DOP1B: variants seen among roughly 807,000 people sequenced by gnomAD.
DOP1B encodes protein DOP1B.
DOP1B carries 174 observed loss-of-function variants against 233.5 expected under a neutral mutation model. The observed-to-expected ratio is 0.75, with a 90% CI of 0.66 to 0.85. DOP1B has a LOEUF of 0.85. Ranked by LOEUF, DOP1B falls within the 40% of genes least tolerant of loss-of-function variation. The probability of loss-of-function intolerance (pLI) is 0.00; values close to 1 mark genes in which losing one functional copy is unlikely to be tolerated. For synonymous variants in DOP1B, 1,190 were observed against 1,185.6 expected (o/e 1.00, Z -0.08); for missense variants, 2,652 against 2,846.6 (o/e 0.93, Z 1.56).
intron 2 of DOP1B, among the ~76,000 whole-genome samples, chr21:36,188,654 A>G (rs2066194764): frequency 6.6e-6 from 1 of 152,188 alleles, no homozygotes; most frequent in Non-Finnish European, 1.5e-5. Flanking sequence ...TTCCAGAAGG[A>G]AGACATGTCA....
Position 36,158,474 on chromosome 21 carries a change from C to G in DOP1B, c.-27+1531C>G, listed in dbSNP as rs2065840280. On this transcript the variant is annotated intron_variant, in intron 1 of 36. Transcript: ENST00000691173. Reference sequence around the variant, plus strand: ...TGACTTCTAATATCCTCATCTTGGGCCTAATACCCATCTCACAGGACTCGT... The same window carrying G: ...TGACTTCTAATATCCTCATCTTGGGGCTAATACCCATCTCACAGGACTCGT... Among the ~76,000 whole-genome samples, 4 of 152,144 alleles carry G rather than the reference C, an allele frequency of 2.6e-5. No homozygotes were observed. In the South Asian group the frequency reaches 8.3e-4, roughly 31 times the overall value.
At chr21:36,225,180 G>A (rs1183552286) in intron 11 of DOP1B, among the ~76,000 whole-genome samples, 1 of 151,896 alleles carries the variant, frequency 6.6e-6, no homozygotes, top group African/African-American at 2.4e-5. Flanking sequence ...GTAGAATAAC[G>A]TTACTGGAAA....
At chr21:36,226,280 C>G (rs1033642657) in intron 12 of DOP1B, among the ~76,000 whole-genome samples, 12 of 149,282 alleles carry the variant, frequency 8.0e-5, no homozygotes, top group Non-Finnish European at 1.6e-4. Context: ...CTTTTCTTTT[C>G]TCTGTCTCTC....
chr21:36,235,865 G>GGA (rs959870201), intron 15 of DOP1B, among the ~76,000 whole-genome samples: 1 of 145,264 alleles, frequency 6.9e-6, no homozygotes, highest in Non-Finnish European at 1.5e-5. Context: ...AAGGAAGTCG[G>GGA]GGGGGGGGCG....
At chr21:36,219,294 T>A in intron 9 of DOP1B, 78 bp from the exon 10 acceptor site, 1 of 1,555,306 alleles carries the variant, frequency 6.4e-7, no homozygotes, top group Non-Finnish European at 8.8e-7. Flanking sequence ...TATATATGTC[T>A]TATGTATATA....
intron 26 of DOP1B, among the ~76,000 whole-genome samples, chr21:36,264,550 T>A (rs2067211569): frequency 6.6e-6 from 1 of 151,982 alleles, no homozygotes; most frequent in Admixed American, 6.6e-5. Flanking sequence ...CTCAGCTCAC[T>A]GAAACCTCCA....
At chr21:36,242,274 G>A (rs1386961790) in intron 18 of DOP1B, among the ~76,000 whole-genome samples, 1 of 151,672 alleles carries the variant, frequency 6.6e-6, no homozygotes, top group Non-Finnish European at 1.5e-5. Flanking sequence ...CCAGGTTCAA[G>A]CAATTCTCCT....
chr21:36,203,131 A>G (rs2066388694), intron 4 of DOP1B, among the ~76,000 whole-genome samples: 2 of 152,238 alleles, frequency 1.3e-5, no homozygotes, highest in Admixed American at 1.3e-4. Context: ...GTTGCTTAAC[A>G]TTGATTTTTT....
intron 15 of DOP1B, among the ~76,000 whole-genome samples, chr21:36,236,130 T>C (rs2066823119): frequency 6.6e-6 from 1 of 152,230 alleles, no homozygotes; most frequent in African/African-American, 2.4e-5. Flanking sequence ...AGTATAAGAA[T>C]GTCTTTAGAA....
intron 2 of DOP1B, among the ~76,000 whole-genome samples, chr21:36,193,766 TG>T (rs1473507057): frequency 6.6e-6 from 1 of 152,194 alleles, no homozygotes; most frequent in Non-Finnish European, 1.5e-5. Flanking sequence ...GGAACCTCCA[TG>T]GTGGCCTTTA....
chr21:36,181,845 G>A (rs1459686273), intron 2 of DOP1B, among the ~76,000 whole-genome samples: 1 of 114,696 alleles, frequency 8.7e-6, no homozygotes, highest in Non-Finnish European at 1.8e-5. Context: ...TTAATGGAAG[G>A]GTCTGTAGTG....
intron 27 of DOP1B, among the ~76,000 whole-genome samples, chr21:36,271,883 A>G (rs1177496093): frequency 6.6e-6 from 1 of 151,524 alleles, no homozygotes; most frequent in Non-Finnish European, 1.5e-5. Context: ...CTGTAATCCC[A>G]GCACTTTGGG....
At chr21:36,166,006 C>G (rs1471310608) in intron 2 of DOP1B, among the ~76,000 whole-genome samples, 1 of 151,664 alleles carries the variant, frequency 6.6e-6, no homozygotes, top group African/African-American at 2.4e-5. Context: ...CGTGAGCCAC[C>G]ACACCTGGCC....
At chr21:36,201,256 A>C (rs997284894) in intron 4 of DOP1B, among the ~76,000 whole-genome samples, 1 of 151,844 alleles carries the variant, frequency 6.6e-6, no homozygotes, top group African/African-American at 2.4e-5. Context: ...CTCCATTTAC[A>C]GGTGAGGGTC....
At chr21:36,210,685 A>C (rs574562862) in intron 5 of DOP1B, among the ~76,000 whole-genome samples, 41 of 151,554 alleles carry the variant, frequency 2.7e-4, no homozygotes, top group African/African-American at 9.9e-4. Context: ...GGTGGCGGGC[A>C]CCTATAATCC....
intron 27 of DOP1B, among the ~76,000 whole-genome samples, chr21:36,272,044 G>A (rs889801757): frequency 5.9e-5 from 9 of 151,830 alleles, no homozygotes; most frequent in Non-Finnish European, 1.0e-4. Flanking sequence ...TGCCAGTAGA[G>A]CTTAATACAA....
rs897643584 is a variant in DOP1B at position 36,200,215 on chromosome 21, A to T, written c.321-116A>T. The stretch of plus-strand genomic sequence containing the variant: ...CATGTCATACCCACACATCGAAACC[A>T]GCAGTTTAAATGGCCAGCTGTTTGC... On this transcript the variant is annotated intron_variant, in intron 3 of 36. Coordinates refer to ENST00000691173, the MANE Select transcript of DOP1B (RefSeq NM_001320714.2). The T allele has an allele frequency of 2.2e-6, 3 of 1,345,276 alleles. No homozygotes were observed. In the African/African-American group the frequency reaches 4.4e-5, roughly 20 times the overall value. 83.3% of individuals were successfully genotyped at this position (1,345,276 alleles called of 1,614,324 possible).
chr21:36,250,353 G>A (rs982715704), intron 21 of DOP1B, among the ~76,000 whole-genome samples: 1 of 152,214 alleles, frequency 6.6e-6, no homozygotes, highest in Admixed American at 6.5e-5. Flanking sequence ...GTGGACAAGA[G>A]AGATGAAGTC....
chr21:36,248,358 A>G (rs766633615), intron 20 of DOP1B, 22 bp from the exon 21 acceptor site: 1 of 1,611,222 alleles, frequency 6.2e-7, no homozygotes, highest in Non-Finnish European at 8.5e-7. Context: ...AGCCTGCCTC[A>G]TGTATTCATT....
Sources: allele counts gnomAD v4.1 joint callset (sites outside exome capture counted in the v4.1 genomes callset), GRCh38; gene constraint gnomAD v4.1.1; transcripts MANE v1.5; gene names NCBI Gene and HGNC (gene_info 2026-07-23, HGNC 2026-07-21).